Variants in TMEM107 observed in about 807,000 individuals in gnomAD.
The protein encoded by TMEM107 is transmembrane protein 107.
A neutral mutation model predicts 16.8 loss-of-function variants in TMEM107; 18 were observed. The observed-to-expected ratio is 1.07, with a 90% CI of 0.74 to 1.59. The LOEUF (loss-of-function observed/expected upper bound fraction) is 1.59, where lower values mean the gene tolerates loss of function less well. TMEM107 is among the 40% of genes most tolerant of loss of function. The probability of loss-of-function intolerance (pLI) is 0.00; values close to 1 mark genes in which losing one functional copy is unlikely to be tolerated. For missense variants in TMEM107, 152 were observed against 175.4 expected, an observed-to-expected ratio of 0.87 and a Z score of 0.75; for synonymous variants, 68 against 71.6, an observed-to-expected ratio of 0.95 and a Z score of 0.25.
rs1983971746 is a variant in TMEM107, at chr17:8,174,573, G to A, written c.300C>T (p.Phe100=). Residue 100 remains phenylalanine (F), a synonymous_variant, in exon 4 of 5, where the codon TTC becomes TTT. Transcript: ENST00000437139. ...HCSASVALSF[F]IFERWECTTY... ...TAGTGCACTCCCAACGCTCGAATAT[G>A]AAGAAGGACAGGGCCACGGATGCAC... 8 of 1,614,100 alleles carry A rather than the reference G, an allele frequency of 5.0e-6. No individual in the cohort carries two copies. The highest frequency in any genetic ancestry group is 6.8e-6 in the Non-Finnish European group (8 of 1,179,958).
Position 8,173,176 on chromosome 17 carries a change from G to A in TMEM107, c.*1027C>T, listed in dbSNP as rs991395160. On this transcript the variant is annotated 3_prime_UTR_variant, in exon 5 of 5. Coordinates refer to ENST00000437139, the MANE Select transcript of TMEM107 (RefSeq NM_183065.4). ...CACAAGACTGCAGATATTTACTGAT[G>A]TGCAATGTTTCCTGAGAAGTGAGGA... 1.1e-5 allele frequency: 4 copies of A among 362,558 alleles called. No homozygotes were observed. Among genetic ancestry groups the A allele is most frequent in the Non-Finnish European group, 1.0e-5 (2 of 193,158 alleles). 22.5% of individuals were successfully genotyped at this position (362,558 alleles called of 1,614,324 possible).
chr17:8,174,161 G>A lies in TMEM107; in HGVS notation c.*42C>T. 6.3e-7 allele frequency: 1 copy of A among 1,579,834 alleles called. No homozygotes were observed. Among genetic ancestry groups the A allele is most frequent in the East Asian group, 2.2e-5 (1 of 44,718 alleles). ...CTTCCAGGAATACGAAGCGGCCCTTGCCCCTGTAGGCTTCGTCCTTAGGTT... is the reference window on the plus strand; with the variant it reads ...CTTCCAGGAATACGAAGCGGCCCTTACCCCTGTAGGCTTCGTCCTTAGGTT... On this transcript the variant is annotated 3_prime_UTR_variant, in exon 5 of 5. Transcript: ENST00000437139.
chr17:8,174,807 T>G (rs1329451180), intron 3 of TMEM107, 191 bp from the exon 4 acceptor site: 2 of 601,512 alleles, frequency 3.3e-6, no homozygotes, highest in African/African-American at 1.9e-5. Context: ...CAGAAGTGAC[T>G]GCACAGATCG....
At position 8,173,421 on chromosome 17, in the gene TMEM107, G is replaced by A. The variant is rs371213715; in HGVS notation, c.*782C>T. On this transcript the variant is annotated 3_prime_UTR_variant, in exon 5 of 5. Coordinates refer to ENST00000437139, the MANE Select transcript of TMEM107 (RefSeq NM_183065.4). ...TATGTTTGTGGATATCTGCTAATCA[G>A]CATAACACAAATGTAAGTGATCGTC... is the stretch of plus-strand genomic sequence containing the variant. 56 of 754,472 alleles carry A rather than the reference G, an allele frequency of 7.4e-5. No homozygotes were observed. The highest frequency in any genetic ancestry group is 2.0e-4 in the South Asian group (15 of 73,612). The allele number at this position is 754,472 out of a possible 1,614,324, so 46.7% of individuals were successfully genotyped here.
At position 8,173,548 on chromosome 17, in the gene TMEM107, C is replaced by CT; in HGVS notation, c.*654dup. On this transcript the variant is annotated 3_prime_UTR_variant, in exon 5 of 5. Transcript: ENST00000437139. ...TCCAATCATCATGTTCTAATCTGCCCTCCGGAGGAGGAACAGGTAAGGATT... is the reference window on the plus strand; with the variant it reads ...TCCAATCATCATGTTCTAATCTGCCCTTCCGGAGGAGGAACAGGTAAGGATT... The CT allele has an allele frequency of 1.3e-6, 1 of 765,368 alleles. No homozygotes were observed. Among genetic ancestry groups the CT allele is most frequent in the Non-Finnish European group, 2.4e-6 (1 of 418,020 alleles). 47.4% of individuals were successfully genotyped at this position (765,368 alleles called of 1,614,324 possible).
chr17:8,175,700 A>G, intron 3 of TMEM107, 57 bp downstream of exon 3: 1 of 1,386,348 alleles, frequency 7.2e-7, no homozygotes, highest in Non-Finnish European at 1.0e-6. Context: ...CAGGTGGCTG[A>G]AGGGAGTCCT....
chr17:8,173,597 A>C lies in TMEM107; in HGVS notation c.*606T>G, dbSNP rs201664998. Reference sequence around the variant, plus strand: ...TTATCCCACCTGACGATACAGACAAACAGCCGACATTCTGCACTCAGTGAA... The same window carrying C: ...TTATCCCACCTGACGATACAGACAACCAGCCGACATTCTGCACTCAGTGAA... On this transcript the variant is annotated 3_prime_UTR_variant, in exon 5 of 5. Transcript: ENST00000437139. The C allele has an allele frequency of 7.7e-5, 59 of 762,770 alleles. No homozygotes were observed. The highest frequency in any genetic ancestry group is 2.3e-4 in the Middle Eastern group (1 of 4,444). The allele number at this position is 762,770 out of a possible 1,614,324, so 47.3% of individuals were successfully genotyped here.
Position 8,173,600 on chromosome 17 carries a change from G to A in TMEM107, c.*603C>T, listed in dbSNP as rs201296288. On this transcript the variant is annotated 3_prime_UTR_variant, in exon 5 of 5. Coordinates refer to ENST00000437139, the MANE Select transcript of TMEM107 (RefSeq NM_183065.4). ...TCCCACCTGACGATACAGACAAACA[G>A]CCGACATTCTGCACTCAGTGAAAAA... 3.9e-3 allele frequency: 2,948 copies of A among 760,034 alleles called. 11 individuals carry two copies. Among genetic ancestry groups the A allele is most frequent in the Non-Finnish European group, 5.6e-3 (2,320 of 414,348 alleles). The allele number at this position is 760,034 out of a possible 1,614,324, so 47.1% of individuals were successfully genotyped here.
Position 8,176,041 on chromosome 17 carries a change from C to G in TMEM107, c.88-15G>C. 2 of 1,614,072 alleles carry G rather than the reference C, an allele frequency of 1.2e-6. No homozygotes were observed. Among genetic ancestry groups the G allele is most frequent in the South Asian group, 2.2e-5 (2 of 91,080 alleles). On this transcript the variant is annotated splice_polypyrimidine_tract_variant and intron_variant, in intron 1 of 4. Transcript: ENST00000437139. ...ATGTTGCTGTCCTGGGAGCAGGGCA[C>G]AGGAAGAGAAGTGAAAAAGGGGCAG... is the stretch of plus-strand genomic sequence containing the variant.
At chr17:8,174,917 G>A in intron 3 of TMEM107, 1 of 360,530 alleles carries the variant, frequency 2.8e-6, no homozygotes, top group Non-Finnish European at 5.2e-6. Flanking sequence ...AAGGAGTGCT[G>A]ACAGCGACTT....
chr17:8,174,794 G>C (rs1354322831), intron 3 of TMEM107, 178 bp from the exon 4 acceptor site: 4 of 621,948 alleles, frequency 6.4e-6, no homozygotes, highest in Non-Finnish European at 8.6e-6. Context: ...TGTGAGGAGA[G>C]ACCAGAAGTG....
In TMEM107 at chr17:8,173,584, A is replaced by T. The variant is rs539989837; in HGVS notation, c.*619T>A. 1.3e-6 allele frequency: 1 copy of T among 764,420 alleles called. No individual in the cohort carries two copies. The highest frequency in any genetic ancestry group is 2.4e-6 in the Non-Finnish European group (1 of 417,392). 47.4% of individuals were successfully genotyped at this position (764,420 alleles called of 1,614,324 possible). A position where few individuals can be genotyped will look rare whatever the true frequency, so the allele number is the denominator to read the frequency against. Reference sequence around the variant, plus strand: ...GAACAGGTAAGGATTATCCCACCTGACGATACAGACAAACAGCCGACATTC... The same window carrying T: ...GAACAGGTAAGGATTATCCCACCTGTCGATACAGACAAACAGCCGACATTC... On this transcript the variant is annotated 3_prime_UTR_variant, in exon 5 of 5. Coordinates refer to ENST00000437139, the MANE Select transcript of TMEM107 (RefSeq NM_183065.4).
chr17:8,175,495 C>G, intron 3 of TMEM107: 3 of 606,688 alleles, frequency 4.9e-6, no homozygotes, highest in Non-Finnish European at 5.9e-6. Flanking sequence ...TTTTTGTAGA[C>G]TTGGGTTCTC....
At chr17:8,174,653 C>CA in intron 3 of TMEM107, 37 bp from the exon 4 acceptor site, 2 of 1,587,044 alleles carry the variant, frequency 1.3e-6, no homozygotes, top group Non-Finnish European at 1.7e-6. Flanking sequence ...GTCTTTGGAT[C>CA]GACAGACAGT....
Position 8,173,334 on chromosome 17 carries a change from CAGCAAT to C in TMEM107, c.*863_*868del, listed in dbSNP as rs1983728123. On this transcript the variant is annotated 3_prime_UTR_variant, in exon 5 of 5. Transcript: ENST00000437139. ...TTAGCAAGACTGCAAAATAGACAAA[CAGCAAT>C]AGCAAGACTGCAAAATAGACAAACA... The C allele has an allele frequency of 1.8e-6, 1 of 557,700 alleles. No homozygotes were observed. Among genetic ancestry groups the C allele is most frequent in the East Asian group, 2.8e-5 (1 of 35,102 alleles). The allele number at this position is 557,700 out of a possible 1,614,324, so 34.5% of individuals were successfully genotyped here. A position where few individuals can be genotyped will look rare whatever the true frequency, so the allele number is the denominator to read the frequency against.
chr17:8,173,399 G>A lies in TMEM107; in HGVS notation c.*804C>T, dbSNP rs749385437. 5.0e-5 allele frequency: 36 copies of A among 722,354 alleles called. No individual in the cohort carries two copies. The highest frequency in any genetic ancestry group is 3.6e-4 in the Middle Eastern group (1 of 2,758). 44.7% of individuals were successfully genotyped at this position (722,354 alleles called of 1,614,324 possible). A position where few individuals can be genotyped will look rare whatever the true frequency, so the allele number is the denominator to read the frequency against. ...ATCCCAGTCAGAACTTCATAGCTAT[G>A]TTTGTGGATATCTGCTAATCAGCAT... On this transcript the variant is annotated 3_prime_UTR_variant, in exon 5 of 5. Transcript: ENST00000437139.
chr17:8,174,194 T>C lies in TMEM107; in HGVS notation c.*9A>G, dbSNP rs1234900244. On this transcript the variant is annotated 3_prime_UTR_variant, in exon 5 of 5. Transcript: ENST00000437139. Reference sequence around the variant, plus strand: ...AGGCTTCGTCCTTAGGTTCCCGTCATGAAGGTAATCAGAAGGGTTTCTTTT... The same window carrying C: ...AGGCTTCGTCCTTAGGTTCCCGTCACGAAGGTAATCAGAAGGGTTTCTTTT... 8 of 1,613,662 alleles carry C rather than the reference T, an allele frequency of 5.0e-6. No individual in the cohort carries two copies. In the African/African-American group the frequency reaches 1.1e-4, roughly 22 times the overall value.
At position 8,174,110 on chromosome 17, in the gene TMEM107, G is replaced by A. The variant is rs1983926998; in HGVS notation, c.*93C>T. On this transcript the variant is annotated 3_prime_UTR_variant, in exon 5 of 5. Transcript: ENST00000437139. ...CCTCCAGCAGAAGCAGTTTCCGAGG[G>A]GAAAACCGAAGCCTATGCCTTCCTT... is the stretch of plus-strand genomic sequence containing the variant. 3.6e-6 allele frequency: 4 copies of A among 1,119,590 alleles called. No individual in the cohort carries two copies. The highest frequency in any genetic ancestry group is 5.4e-6 in the Non-Finnish European group (4 of 736,064). The allele number at this position is 1,119,590 out of a possible 1,614,324, so 69.4% of individuals were successfully genotyped here. A position where few individuals can be genotyped will look rare whatever the true frequency, so the allele number is the denominator to read the frequency against.
At chr17:8,174,497 C>T in intron 4 of TMEM107, 23 bp downstream of exon 4, 1 of 1,611,002 alleles carries the variant, frequency 6.2e-7, no homozygotes, top group Non-Finnish European at 8.5e-7. Flanking sequence ...TCCCTCATCC[C>T]CAAATATTGG....
Sources: allele counts gnomAD v4.1 joint callset, GRCh38; gene constraint gnomAD v4.1.1; transcripts MANE v1.5; gene names NCBI Gene and HGNC (gene_info 2026-07-23, HGNC 2026-07-21).